The following KCNQ2 variants were observed in gnomAD, a reference collection of about 807,000 sequenced individuals.
The protein encoded by KCNQ2 is potassium voltage-gated channel subfamily Q member 2, also known as potassium voltage-gated channel subfamily KQT member 2.
KCNQ2 carries 14 observed loss-of-function variants against 84.8 expected under a neutral mutation model. That is an observed-to-expected ratio of 0.17 (90% CI 0.11 to 0.26). The LOEUF (loss-of-function observed/expected upper bound fraction) is 0.26, where lower values mean the gene tolerates loss of function less well. Ranked by LOEUF, KCNQ2 falls within the 10% of genes least tolerant of loss-of-function variation. The probability of loss-of-function intolerance (pLI) is 1.00; values close to 1 mark genes in which losing one functional copy is unlikely to be tolerated. For synonymous variants in KCNQ2, 599 were observed against 554.1 expected (o/e 1.08, Z -1.14); for missense variants, 788 against 1,254.0 (o/e 0.63, Z 5.61).
At position 63,407,256 on chromosome 20, in the gene KCNQ2, C is replaced by G. The variant is rs542053755; in HGVS notation, c.2007G>C (p.Pro669=). 1.3e-6 allele frequency: 2 copies of G among 1,598,052 alleles called. No homozygotes were observed. Among genetic ancestry groups the G allele is most frequent in the South Asian group, 2.2e-5 (2 of 91,020 alleles). ...FGAKEPEPAP[P]YHSPEDSREH... ...CCCGGCTGTCTTCCGGGCTGTGGTA[C>G]GGCGGCGCCGGCTCCGGCTCTTTGG... The change falls in exon 17 of 17, where the codon CCG becomes CCC. Residue 669 remains proline (P), a synonymous_variant. Coordinates refer to ENST00000359125, the MANE Select transcript of KCNQ2 (RefSeq NM_172107.4). The surrounding 1 kb of genome is among the most constrained non-coding windows in gnomAD (Gnocchi z 7.2).
intron 15 of KCNQ2, 155 bp downstream of exon 15, chr20:63,413,295 G>T: frequency 1.3e-6 from 1 of 781,792 alleles, no homozygotes; most frequent in South Asian, 1.7e-5. Context: ...AACAGACTTT[G>T]TGAAGACACA....
chr20:63,431,375 A>G lies in KCNQ2; in HGVS notation c.1119-6T>C, dbSNP rs1022260777. 1.2e-6 allele frequency: 2 copies of G among 1,613,692 alleles called. No homozygotes were observed. The highest frequency in any genetic ancestry group is 2.7e-5 in the African/African-American group (2 of 74,894). The stretch of plus-strand genomic sequence containing the variant: ...CGTAGGTTTGAGTTTGCGAACTTTC[A>G]AGTGTTTCCACACACACAAAGGGAA... On this transcript the variant is annotated splice_region_variant and splice_polypyrimidine_tract_variant and intron_variant, in intron 8 of 16. Coordinates refer to ENST00000359125, the MANE Select transcript of KCNQ2 (RefSeq NM_172107.4).
chr20:63,428,633 T>C (rs979012196), intron 9 of KCNQ2, among the ~76,000 whole-genome samples, 198 bp from the exon 10 acceptor site: 3 of 152,100 alleles, frequency 2.0e-5, no homozygotes, highest in Non-Finnish European at 1.5e-5. Flanking sequence ...CTGGGAGCCA[T>C]CTTCATTCTC....
chr20:63,414,283 C>T lies in KCNQ2; in HGVS notation c.1526-90G>A. ...CAGGGCACACCGGCTAGACAGAGCGCCAGGGAGCCCCTCGAGGCTCCCTGT... is the reference window on the plus strand; with the variant it reads ...CAGGGCACACCGGCTAGACAGAGCGTCAGGGAGCCCCTCGAGGCTCCCTGT... On this transcript the variant is annotated intron_variant, in intron 13 of 16. Coordinates refer to ENST00000359125, the MANE Select transcript of KCNQ2 (RefSeq NM_172107.4). The surrounding 1 kb of genome is among the most constrained non-coding windows in gnomAD (Gnocchi z 6.6). The T allele has an allele frequency of 1.1e-6, 1 of 950,470 alleles. No homozygotes were observed. The highest frequency in any genetic ancestry group is 1.7e-6 in the Non-Finnish European group (1 of 593,874). 58.9% of individuals were successfully genotyped at this position (950,470 alleles called of 1,614,324 possible).
Position 63,454,769 on chromosome 20 carries a change from G to A in KCNQ2, c.297-7932C>T, listed in dbSNP as rs949126884. On this transcript the variant is annotated intron_variant, in intron 1 of 16. Transcript: ENST00000359125. ...AGGAGACCCCTGATGGCATCCCCCA[G>A]GCCTCGGGAGAGGAGGCTCCCCGGG... Among the ~76,000 whole-genome samples the A allele has an allele frequency of 2.0e-5, 3 of 152,348 alleles. No individual in the cohort carries two copies. In the East Asian group the frequency reaches 5.8e-4, roughly 29 times the overall value.
rs773822234 is a variant in KCNQ2, at chr20:63,407,003, C to T, written c.2260G>A (p.Ala754Thr). 18 of 1,536,744 alleles carry T rather than the reference C, an allele frequency of 1.2e-5. No individual in the cohort carries two copies. Among genetic ancestry groups the T allele is most frequent in the Middle Eastern group, 1.7e-4 (1 of 5,736 alleles). ...PPPAHERSLS[A>T]YGGGNRASME... ...CTGGCGCGGTTGCCCCCGCCGTAGG[C>T]GGACAGCGACCGCTCGTGGGCAGGC... Residue 754 changes from alanine (A) to threonine (T), a missense_variant, in exon 17 of 17, where the codon GCC becomes ACC. Physicochemically the swap from Ala to Thr is moderately conservative, Grantham distance 58 (BLOSUM62 0). Transcript: ENST00000359125. This position sits in a 1 kb window ranked among gnomAD's most constrained non-coding sequence, Gnocchi z 7.2.
In KCNQ2 at chr20:63,442,704, CCAT is replaced by C. The variant is rs1209985248; in HGVS notation, c.691-176_691-174del. ...ACCACCATCACCATCACCACCATCACCATCACCACCACCACCACCATCATCACC... is the reference window on the plus strand; with the variant it reads ...ACCACCATCACCATCACCACCATCACCACCACCACCACCACCATCATCACC... On this transcript the variant is annotated intron_variant, in intron 4 of 16. Transcript: ENST00000359125. 4.2e-4 allele frequency among the ~76,000 whole-genome samples: 33 copies of C among 78,262 alleles called. No individual in the cohort carries two copies. The East Asian group carries it at 5.8e-3, about 14-fold the overall frequency. The allele number at this position is 78,262 out of a possible 152,430, so 51.3% of individuals were successfully genotyped here.
chr20:63,442,183 C>A (rs571880384), intron 5 of KCNQ2, among the ~76,000 whole-genome samples: 1 of 152,134 alleles, frequency 6.6e-6, no homozygotes, highest in Non-Finnish European at 1.5e-5. Context: ...ATGCCCACCA[C>A]GGCTGAGCTC....
At position 63,403,338 on chromosome 20, in the gene KCNQ2, C is replaced by G. The variant is rs558277863; in HGVS notation, c.*3306G>C. On this transcript the variant is annotated 3_prime_UTR_variant, in exon 17 of 17. Transcript: ENST00000359125. Reference sequence around the variant, plus strand: ...CCAGGCAGCTTACACTCAGCAGGGTCAAAGAGAAAGACCAGAGACAGAAGG... The same window carrying G: ...CCAGGCAGCTTACACTCAGCAGGGTGAAAGAGAAAGACCAGAGACAGAAGG... The G allele has an allele frequency of 2.0e-5, 3 of 152,436 alleles. No individual in the cohort carries two copies. In the South Asian group the frequency reaches 6.2e-4, roughly 32 times the overall value. 9.4% of individuals were successfully genotyped at this position (152,436 alleles called of 1,614,324 possible).
At position 63,405,493 on chromosome 20, in the gene KCNQ2, G is replaced by A. The variant is rs1268233401; in HGVS notation, c.*1151C>T. 6.6e-6 allele frequency: 1 copy of A among 152,588 alleles called. No homozygotes were observed. The highest frequency in any genetic ancestry group is 2.4e-5 in the African/African-American group (1 of 41,464). The allele number at this position is 152,588 out of a possible 1,614,324, so 9.5% of individuals were successfully genotyped here. On this transcript the variant is annotated 3_prime_UTR_variant, in exon 17 of 17. Transcript: ENST00000359125. ...GCCATCAGCTCCAGGGGGCAGGAGA[G>A]CTAGGGAGGGCGCACAGCTGGGCTG...
intron 15 of KCNQ2, chr20:63,411,886 G>T: frequency 2.8e-6 from 2 of 714,004 alleles, no homozygotes; most frequent in African/African-American, 1.8e-5. Context: ...ATCTATCCTG[G>T]CAGAGTAAAC....
intron 1 of KCNQ2, among the ~76,000 whole-genome samples, chr20:63,468,564 C>T (rs1441491079): frequency 6.6e-6 from 1 of 152,254 alleles, no homozygotes; most frequent in Non-Finnish European, 1.5e-5. Context: ...AGGGGAAGCG[C>T]CTGGGCCCCG....
At position 63,442,478 on chromosome 20, in the gene KCNQ2, G is replaced by A. The variant is rs767342896; in HGVS notation, c.744C>T (p.Phe248=). 1.2e-6 allele frequency: 2 copies of A among 1,613,708 alleles called. No individual in the cohort carries two copies. Among genetic ancestry groups the A allele is most frequent in the South Asian group, 1.1e-5 (1 of 91,072 alleles). Reference sequence around the variant, plus strand: ...CCCCCTTCTCTGCCAAGTACACCAGGAACGAGGCCAGGATGAGACAAAGGA... The same window carrying A: ...CCCCCTTCTCTGCCAAGTACACCAGAAACGAGGCCAGGATGAGACAAAGGA... ...IGFLCLILAS[F]LVYLAEKGEN... The change falls in exon 5 of 17, where the codon TTC becomes TTT. Residue 248 remains phenylalanine (F), a synonymous_variant. Transcript: ENST00000359125.
intron 1 of KCNQ2, among the ~76,000 whole-genome samples, chr20:63,450,559 T>G (rs13044288): frequency 6.5e-3 from 11 of 1,704 alleles, no homozygotes; most frequent in African/African-American, 0.012. Context: ...CTGCTGGGGG[T>G]GGGGGAAGAC....
intron 1 of KCNQ2, among the ~76,000 whole-genome samples, chr20:63,465,589 C>T (rs1318675745): frequency 6.6e-6 from 1 of 152,196 alleles, no homozygotes; most frequent in African/African-American, 2.4e-5. Context: ...AGGGGTCGCA[C>T]GCAGGGGCCA....
intron 10 of KCNQ2, 114 bp downstream of exon 10, chr20:63,428,253 G>A (rs187837819): frequency 1.7e-4 from 130 of 787,752 alleles, no homozygotes; most frequent in Admixed American, 1.3e-3. Flanking sequence ...GTCCCCGCGC[G>A]TCCCAGCTCC....
chr20:63,431,985 G>GAAGGCATCACCCACAGGA (rs2080808012), intron 8 of KCNQ2, among the ~76,000 whole-genome samples: 1 of 136,804 alleles, frequency 7.3e-6, no homozygotes, highest in Non-Finnish European at 1.7e-5. Flanking sequence ...CACCCGCAGG[G>GAAGGCATCACCCACAGGA]AAGGCCCCAC....
chr20:63,419,622 G>C lies in KCNQ2; in HGVS notation c.1298C>G (p.Ser433Cys). The change falls in exon 12 of 17, where the codon TCT becomes TGT. Residue 433 changes from serine to cysteine, a missense_variant. Ser to Cys is a moderately radical substitution (Grantham distance 112). This residue lies in a region of KCNQ2 where 202 missense variants were observed against 239.4 expected (regional missense o/e 0.84). Transcript: ENST00000359125. The stretch of plus-strand genomic sequence containing the variant: ...CGTGCGGCGTGTTCCGCGGTACCTA[G>C]AGCGTCCGGGGCAGCATCCACACAG... Reference protein sequence around the residue: ...GPLCGCCPGRSSQKVSLKDRV... With the variant: ...GPLCGCCPGRCSQKVSLKDRV... 6.2e-7 allele frequency: 1 copy of C among 1,610,392 alleles called. No homozygotes were observed. The highest frequency in any genetic ancestry group is 8.5e-7 in the Non-Finnish European group (1 of 1,179,206).
chr20:63,453,475 TTCTGCGGGCGATCCTCTGTCTGCCTA>T (rs1341948760), intron 1 of KCNQ2, among the ~76,000 whole-genome samples: 1 of 152,246 alleles, frequency 6.6e-6, no homozygotes, highest in East Asian at 1.9e-4. Flanking sequence ...CTCGTGCGCC[TTCTGCGGGCGATCCTCTGTCTGCCTA>T]ACGGGGTTTT....
Sources: gnomAD v4.1 joint callset for allele counts (sites outside exome capture counted in the v4.1 genomes callset) on GRCh38, gnomAD v4.1.1 for gene constraint, gnomAD v4.1.1 regional missense constraint, Gnocchi (gnomAD v3.1) non-coding constraint, MANE v1.5 for transcripts, NCBI Gene and HGNC (gene_info 2026-07-23, HGNC 2026-07-21) for gene names.